The following RPH3AL variants were observed in gnomAD, a reference collection of about 807,000 sequenced individuals.
RPH3AL encodes the protein rab effector Noc2.
A neutral mutation model predicts 43.1 loss-of-function variants in RPH3AL; 38 were observed. The ratio of observed to expected loss-of-function variants is 0.88; its 90% confidence interval spans 0.68 to 1.15. The LOEUF is 1.15. Ranked by LOEUF, RPH3AL falls within the 50% of genes most tolerant of loss-of-function variation. RPH3AL has a pLI of 0.00. For synonymous variants in RPH3AL, 189 were observed against 176.3 expected (o/e 1.07, Z -0.57); for missense variants, 462 against 423.2 (o/e 1.09, Z -0.81).
At chr17:240,457 C>G (rs1238522363) in intron 7 of RPH3AL, among the ~76,000 whole-genome samples, 1 of 152,128 alleles carries the variant, frequency 6.6e-6, no homozygotes, top group Non-Finnish European at 1.5e-5. Flanking sequence ...TTCCCCTCCC[C>G]ATCCTCCCCA....
At position 318,110 on chromosome 17, in the gene RPH3AL, C is replaced by A. The variant is rs143691426; in HGVS notation, c.351+1310G>T. On this transcript the variant is annotated intron_variant, in intron 5 of 9. Transcript: ENST00000331302. The stretch of plus-strand genomic sequence containing the variant: ...TAAAACCATGACTAGCAGCCAGGCA[C>A]GGTGGCTCACGCCTGTAATCCCAGC... Among the ~76,000 whole-genome samples the A allele has an allele frequency of 5.9e-5, 9 of 152,240 alleles. No homozygotes were observed. In the East Asian group the frequency reaches 1.4e-3, roughly 23 times the overall value.
At chr17:308,697 C>T (rs1470698026) in intron 5 of RPH3AL, among the ~76,000 whole-genome samples, 2 of 152,212 alleles carry the variant, frequency 1.3e-5, no homozygotes, top group African/African-American at 4.8e-5. Context: ...GGTTAAACTG[C>T]AGCTTCTAGT....
At chr17:263,938 A>G (rs1273920425) in intron 6 of RPH3AL, among the ~76,000 whole-genome samples, 3 of 152,150 alleles carry the variant, frequency 2.0e-5, no homozygotes, top group Non-Finnish European at 4.4e-5. Flanking sequence ...CCAAAGTTTC[A>G]CTGCAGACGG....
At chr17:315,683 G>C (rs558050163) in intron 5 of RPH3AL, among the ~76,000 whole-genome samples, 1 of 145,546 alleles carries the variant, frequency 6.9e-6, no homozygotes, top group African/African-American at 2.5e-5. Flanking sequence ...TAGTCCCTGT[G>C]ACCCCACCTC....
intron 5 of RPH3AL, among the ~76,000 whole-genome samples, chr17:315,145 T>A (rs796077102): frequency 1.5e-3 from 175 of 116,764 alleles, no homozygotes; most frequent in African/African-American, 1.9e-3. Context: ...TCCACCTCCA[T>A]TGACCTGTAG....
intron 5 of RPH3AL, among the ~76,000 whole-genome samples, chr17:286,210 G>A (rs1018835731): frequency 2.2e-4 from 34 of 152,266 alleles, no homozygotes; most frequent in African/African-American, 7.9e-4. Context: ...CGGAGCCAAC[G>A]GATCTGGGGA....
intron 6 of RPH3AL, among the ~76,000 whole-genome samples, chr17:281,220 G>C (rs1426245595): frequency 6.6e-6 from 1 of 152,178 alleles, no homozygotes; most frequent in East Asian, 1.9e-4. Flanking sequence ...CGTGACAGCA[G>C]ACAACGGCTG....
intron 5 of RPH3AL, among the ~76,000 whole-genome samples, chr17:291,493 G>A (rs566137614): frequency 1.3e-3 from 204 of 152,326 alleles, no homozygotes; most frequent in Non-Finnish European, 2.2e-3. Context: ...ATTGGGAACC[G>A]CGCTGCAGAC....
chr17:213,402 C>T lies in RPH3AL; in HGVS notation c.*450G>A, dbSNP rs1215677505. ...GTGGGTGAGTCTCCCCCTCACTGCT[C>T]TGGCTCTGATGCTCACCTCTAAGGG... On this transcript the variant is annotated 3_prime_UTR_variant, in exon 10 of 10. Coordinates refer to ENST00000331302, the MANE Select transcript of RPH3AL (RefSeq NM_006987.4). 1 of 209,350 alleles carries T rather than the reference C, an allele frequency of 4.8e-6. No homozygotes were observed. Among genetic ancestry groups the T allele is most frequent in the Non-Finnish European group, 9.8e-6 (1 of 102,016 alleles). The allele number at this position is 209,350 out of a possible 1,614,324, so 13.0% of individuals were successfully genotyped here.
intron 6 of RPH3AL, among the ~76,000 whole-genome samples, chr17:265,641 A>G (rs782568882): frequency 5.9e-5 from 9 of 152,200 alleles, no homozygotes; most frequent in Non-Finnish European, 1.2e-4. Context: ...AATTAAGTTT[A>G]GAATAACTCT....
chr17:269,480 C>G (rs2042410794), intron 6 of RPH3AL, among the ~76,000 whole-genome samples: 1 of 152,192 alleles, frequency 6.6e-6, no homozygotes, highest in Non-Finnish European at 1.5e-5. Flanking sequence ...CGGCACATAG[C>G]AAATCCTCAG....
In RPH3AL at chr17:215,664, C is replaced by T. The variant is rs559457508; in HGVS notation, c.866G>A (p.Arg289Gln). 40 of 1,276,946 alleles carry T rather than the reference C, an allele frequency of 3.1e-5. No individual in the cohort carries two copies. The highest frequency in any genetic ancestry group is 3.0e-4 in the Middle Eastern group (1 of 3,362). The allele number at this position is 1,276,946 out of a possible 1,614,324, so 79.1% of individuals were successfully genotyped here. The change falls in exon 9 of 10, where the codon CGA (arginine) becomes CAA (glutamine). Residue 289 changes from arginine to glutamine, a missense_variant. Transcript: ENST00000331302. The surrounding 1 kb of genome is among the most constrained non-coding windows in gnomAD (Gnocchi z 4.1). The stretch of plus-strand genomic sequence containing the variant: ...CAGTTGGGTACTCACCGGGGCCCTT[C>T]GGGTCAGCCCGGGGCGGGGTCCCCC... ...PPGGPRPGLT[R>Q]RAPVKDTPGR...
rs1219510912 is a variant in RPH3AL at position 225,677 on chromosome 17, C to T, written c.614-5941G>A. Among the ~76,000 whole-genome samples the T allele has an allele frequency of 6.6e-6, 1 of 152,240 alleles. No homozygotes were observed. The highest frequency in any genetic ancestry group is 2.4e-5 in the African/African-American group (1 of 41,472). ...CTCGTCTGCACACCGGTTTCCGCCT[C>T]TCTCTGGCAGAGATGCTTATGGGAG... is the stretch of plus-strand genomic sequence containing the variant. On this transcript the variant is annotated intron_variant, in intron 7 of 9. Transcript: ENST00000331302. This position sits in a 1 kb window ranked among gnomAD's most constrained non-coding sequence, Gnocchi z 4.4.
In RPH3AL at chr17:327,456, G is replaced by A; in HGVS notation, c.77+11C>T. The A allele has an allele frequency of 6.2e-7, 1 of 1,613,440 alleles. No individual in the cohort carries two copies. The highest frequency in any genetic ancestry group is 1.7e-4 in the Middle Eastern group (1 of 6,056). On this transcript the variant is annotated intron_variant, in intron 3 of 9. Coordinates refer to ENST00000331302, the MANE Select transcript of RPH3AL (RefSeq NM_006987.4). ...GGAAGGGACGGCCTGGGGGGCCCCA[G>A]AGGTACTCACTTGGCTCGAAGGGCA...
At chr17:316,214 A>G (rs1487850600) in intron 5 of RPH3AL, among the ~76,000 whole-genome samples, 2 of 130,592 alleles carry the variant, frequency 1.5e-5, no homozygotes, top group African/African-American at 2.9e-5. Context: ...CCCCACCTCC[A>G]TTGACCTGTA....
chr17:351,042 C>T (rs2045344000), intron 1 of RPH3AL, among the ~76,000 whole-genome samples: 2 of 152,168 alleles, frequency 1.3e-5, no homozygotes, highest in African/African-American at 4.8e-5. Context: ...CCTTCTAGGA[C>T]TCCATGTACA....
At chr17:338,705 G>A (rs1206434997) in intron 1 of RPH3AL, 3 of 152,200 alleles carry the variant, frequency 2.0e-5, no homozygotes, top group Non-Finnish European at 2.9e-5. Context: ...TTCCATTTAC[G>A]TGATGTATGT....
At chr17:305,444 A>G (rs2151644865) in intron 5 of RPH3AL, among the ~76,000 whole-genome samples, 1 of 152,224 alleles carries the variant, frequency 6.6e-6, no homozygotes, top group South Asian at 2.1e-4. Flanking sequence ...CCCAGCTCAC[A>G]CCAACCTCCT....
In RPH3AL at chr17:213,596, T is replaced by G; in HGVS notation, c.*256A>C. ...AAATCATCACCAGGTAGATTGGGGGTGTGGGAGGGGAGGGTAATAAATAAG... is the reference window on the plus strand; with the variant it reads ...AAATCATCACCAGGTAGATTGGGGGGGTGGGAGGGGAGGGTAATAAATAAG... On this transcript the variant is annotated 3_prime_UTR_variant, in exon 10 of 10. Transcript: ENST00000331302. 5 of 552,108 alleles carry G rather than the reference T, an allele frequency of 9.1e-6. No individual in the cohort carries two copies. Among genetic ancestry groups the G allele is most frequent in the East Asian group, 3.1e-5 (1 of 32,370 alleles). 34.2% of individuals were successfully genotyped at this position (552,108 alleles called of 1,614,324 possible).
Sources: gnomAD v4.1 joint callset for allele counts (sites outside exome capture counted in the v4.1 genomes callset) on GRCh38, gnomAD v4.1.1 for gene constraint, Gnocchi (gnomAD v3.1) non-coding constraint, MANE v1.5 for transcripts, NCBI Gene and HGNC (gene_info 2026-07-23, HGNC 2026-07-21) for gene names.